Variants in EBF3 observed in about 807,000 individuals in gnomAD.
EBF3 encodes EBF transcription factor 3, also known as transcription factor COE3.
A neutral mutation model predicts 77.1 loss-of-function variants in EBF3; 18 were observed. That is an observed-to-expected ratio of 0.23 (90% CI 0.16 to 0.35). The LOEUF (loss-of-function observed/expected upper bound fraction) is 0.35, where lower values mean the gene tolerates loss of function less well. EBF3 is among the 10% of genes least tolerant of loss of function. The pLI is 1.00. For synonymous variants in EBF3, 350 were observed against 343.5 expected (o/e 1.02, Z -0.21); for missense variants, 558 against 860.0 (o/e 0.65, Z 4.39).
intron 16 of EBF3, 77 bp downstream of exon 16, chr10:129,839,006 G>A: frequency 7.9e-7 from 1 of 1,262,244 alleles, no homozygotes; most frequent in Non-Finnish European, 1.0e-6. Flanking sequence ...AGGCCAGTCG[G>A]CGGCACTTCG....
intron 11 of EBF3, chr10:129,843,478 C>T (rs560831168): frequency 1.5e-5 from 6 of 387,352 alleles, no homozygotes; most frequent in South Asian, 1.2e-4. Flanking sequence ...GCGGGAGGGC[C>T]GGCGGAGAAC....
Position 129,897,555 on chromosome 10 carries a change from A to C in EBF3, c.555-19706T>G, listed in dbSNP as rs1262566074. Among the ~76,000 whole-genome samples, 1 of 151,940 alleles carries C rather than the reference A, an allele frequency of 6.6e-6. No homozygotes were observed. Among genetic ancestry groups the C allele is most frequent in the Non-Finnish European group, 1.5e-5 (1 of 67,994 alleles). ...GAACTTCCTGGGAAAATACAGAGGA[A>C]ACCCAGCACACGACCCTTTTATCCG... On this transcript the variant is annotated intron_variant, in intron 6 of 16. Transcript: ENST00000440978. This position sits in a 1 kb window ranked among gnomAD's most constrained non-coding sequence, Gnocchi z 4.6.
At chr10:129,915,497 C>CAAAA (rs869168004) in intron 6 of EBF3, among the ~76,000 whole-genome samples, 2 of 83,642 alleles carry the variant, frequency 2.4e-5, no homozygotes, top group African/African-American at 7.8e-5. Context: ...CACACACACA[C>CAAAA]AAAAAAGCCA....
At chr10:129,941,201 G>T (rs926048440) in intron 6 of EBF3, among the ~76,000 whole-genome samples, 1 of 152,214 alleles carries the variant, frequency 6.6e-6, no homozygotes, top group African/African-American at 2.4e-5. Context: ...CAGGCATCAA[G>T]TTCAAGGGAC....
chr10:129,893,655 TC>T (rs1854169336), intron 6 of EBF3, among the ~76,000 whole-genome samples: 1 of 152,186 alleles, frequency 6.6e-6, no homozygotes, highest in South Asian at 2.1e-4. Context: ...CTGGCAAACT[TC>T]CTGACGCCGG....
chr10:129,899,091 T>C (rs78134528), intron 6 of EBF3, among the ~76,000 whole-genome samples: 3,190 of 151,596 alleles, frequency 0.021, 78 homozygotes, highest in South Asian at 0.12. Context: ...CGCGCAGCCT[T>C]GAATCGGAGC....
chr10:129,877,481 CAAAAAAAAAAAA>C (rs10541156), intron 7 of EBF3, among the ~76,000 whole-genome samples: 3 of 77,262 alleles, frequency 3.9e-5, no homozygotes, highest in South Asian at 1.1e-3. Context: ...ACTCTGTCTC[CAAAAAAAAAAAA>C]AAAAAAAAAG....
intron 7 of EBF3, among the ~76,000 whole-genome samples, chr10:129,877,435 C>T (rs1041819741): frequency 2.8e-5 from 4 of 144,206 alleles, no homozygotes; most frequent in Non-Finnish European, 6.0e-5. Flanking sequence ...GAGCCAAGAT[C>T]GCACCACTGC....
rs529733606 is a variant in EBF3, at chr10:129,863,104, T to C, written c.1039+4037A>G. ...TTGCATTTTACAGTCTAGAAGGCAATTTACTATTAACTGGCAATTACATAC... is the reference window on the plus strand; with the variant it reads ...TTGCATTTTACAGTCTAGAAGGCAACTTACTATTAACTGGCAATTACATAC... On this transcript the variant is annotated intron_variant, in intron 10 of 16. Transcript: ENST00000440978. The surrounding 1 kb of genome is among the most constrained non-coding windows in gnomAD (Gnocchi z 4.0). Among the ~76,000 whole-genome samples the C allele has an allele frequency of 3.3e-5, 5 of 152,330 alleles. No homozygotes were observed. The East Asian group carries it at 9.6e-4, about 29-fold the overall frequency.
intron 6 of EBF3, among the ~76,000 whole-genome samples, chr10:129,933,920 C>G (rs1857190995): frequency 6.6e-6 from 1 of 152,216 alleles, no homozygotes; most frequent in Non-Finnish European, 1.5e-5. Flanking sequence ...CTCAACTCCC[C>G]CTCCAGCAGC....
At chr10:129,914,286 A>AT (rs1175856876) in intron 6 of EBF3, among the ~76,000 whole-genome samples, 1 of 152,082 alleles carries the variant, frequency 6.6e-6, no homozygotes, top group African/African-American at 2.4e-5. Flanking sequence ...AGCATCTGTG[A>AT]TTTTCCCTTG....
At chr10:129,961,834 C>T (rs1443512774) in intron 4 of EBF3, among the ~76,000 whole-genome samples, 2 of 152,096 alleles carry the variant, frequency 1.3e-5, no homozygotes, top group African/African-American at 4.8e-5. Context: ...TCCAAATGAA[C>T]TGATTCCTAG....
chr10:129,923,900 G>A (rs72837163), intron 6 of EBF3, among the ~76,000 whole-genome samples: 2,225 of 152,244 alleles, frequency 0.015, 25 homozygotes, highest in Middle Eastern at 0.037. Flanking sequence ...TATCTATAAG[G>A]GATTTTATCC....
At chr10:129,856,606 C>T (rs533231154) in intron 10 of EBF3, among the ~76,000 whole-genome samples, 43 of 152,194 alleles carry the variant, frequency 2.8e-4, no homozygotes, top group Non-Finnish European at 6.2e-4. Flanking sequence ...AAGGCACAGG[C>T]TGCCCTCCAT....
chr10:129,843,709 G>A (rs562998545), intron 11 of EBF3, among the ~76,000 whole-genome samples: 14 of 152,368 alleles, frequency 9.2e-5, no homozygotes, highest in African/African-American at 3.4e-4. Flanking sequence ...TTGCAAGTGA[G>A]TTCAGTGCTT....
chr10:129,890,772 C>T (rs1454152193), intron 6 of EBF3, among the ~76,000 whole-genome samples: 1 of 152,154 alleles, frequency 6.6e-6, no homozygotes, highest in Non-Finnish European at 1.5e-5. Flanking sequence ...TGCAATTTTA[C>T]AACTTCATGC....
chr10:129,857,717 A>T (rs1851350915), intron 10 of EBF3, among the ~76,000 whole-genome samples: 1 of 152,154 alleles, frequency 6.6e-6, no homozygotes, highest in South Asian at 2.1e-4. Flanking sequence ...GCCAGGATGG[A>T]GACTGTCACT....
chr10:129,876,885 A>ACCCCCCCCCCCCCCCCCCCCCCCC (rs10573399), intron 7 of EBF3, among the ~76,000 whole-genome samples: 6 of 42,396 alleles, frequency 1.4e-4, no homozygotes, highest in Admixed American at 7.8e-4. Context: ...TCATCCCTGA[A>ACCCCCCCCCCCCCCCCCCCCCCCC]CCCCCCCCCC....
At position 129,881,306 on chromosome 10, in the gene EBF3, C is replaced by T. The variant is rs531706220; in HGVS notation, c.555-3457G>A. Among the ~76,000 whole-genome samples the T allele has an allele frequency of 3.9e-5, 6 of 152,256 alleles. No individual in the cohort carries two copies. In the South Asian group the frequency reaches 8.3e-4, roughly 21 times the overall value. ...GTGTCTCTCGTTGCATCTGTTGGCC[C>T]GTCATCAAAATGACCATTATGTGCA... On this transcript the variant is annotated intron_variant, in intron 6 of 16. Transcript: ENST00000440978.
Sources: allele counts gnomAD v4.1 joint callset (sites outside exome capture counted in the v4.1 genomes callset), GRCh38; gene constraint gnomAD v4.1.1; non-coding constraint Gnocchi (gnomAD v3.1); transcripts MANE v1.5; gene names NCBI Gene and HGNC (gene_info 2026-07-23, HGNC 2026-07-21).